Variants in ATP8B4 observed in about 807,000 individuals in gnomAD.
The protein encoded by ATP8B4 is ATPase phospholipid transporting 8B4 (putative), also known as probable phospholipid-transporting ATPase IM.
Under a neutral mutation model 145.6 loss-of-function variants are expected in ATP8B4, and 133 were observed. The ratio of observed to expected loss-of-function variants is 0.91; its 90% confidence interval spans 0.79 to 1.05. The LOEUF is 1.05. Among genes scored for constraint, ATP8B4 ranks in the 50% least tolerant of loss-of-function variants. ATP8B4 has a pLI of 0.00. For synonymous variants in ATP8B4, 507 were observed against 492.9 expected (o/e 1.03, Z -0.38); for missense variants, 1,458 against 1,425.2 (o/e 1.02, Z -0.37).
intron 23 of ATP8B4, chr15:49,895,708 T>C (rs2037326823): frequency 6.6e-6 from 1 of 152,238 alleles, no homozygotes; most frequent in Non-Finnish European, 1.5e-5. Flanking sequence ...TTCTAGTTGC[T>C]TAATATCTGG....
intron 3 of ATP8B4, among the ~76,000 whole-genome samples, chr15:50,066,814 C>T (rs1277137076): frequency 6.6e-6 from 1 of 151,850 alleles, no homozygotes; most frequent in Non-Finnish European, 1.5e-5. Flanking sequence ...TTTTTTCTGC[C>T]CTCCGACTTT....
At chr15:50,013,872 A>G (rs1390002363) in intron 6 of ATP8B4, among the ~76,000 whole-genome samples, 1 of 152,196 alleles carries the variant, frequency 6.6e-6, no homozygotes, top group Non-Finnish European at 1.5e-5. Context: ...GGCATAGCAT[A>G]CTAAGAGCTG....
At position 49,996,702 on chromosome 15, in the gene ATP8B4, A is replaced by G. The variant is rs1302558853; in HGVS notation, c.564T>C (p.Asp188=). 1 of 1,609,702 alleles carries G rather than the reference A, an allele frequency of 6.2e-7. No homozygotes were observed. The highest frequency in any genetic ancestry group is 2.2e-5 in the East Asian group (1 of 44,646). Residue 188 remains aspartate, a synonymous_variant, in exon 9 of 28, where the codon GAT becomes GAC. Coordinates refer to ENST00000284509, the MANE Select transcript of ATP8B4 (RefSeq NM_024837.4). ...ALSVTSELGA[D]ISRLAGFDGI... ...CATCAAACCCTGCAAGTCTGCTGATATCTGCTCCAAGTTCTGAAGTAACTG... is the reference window on the plus strand; with the variant it reads ...CATCAAACCCTGCAAGTCTGCTGATGTCTGCTCCAAGTTCTGAAGTAACTG...
chr15:49,953,305 A>G (rs2043263446), intron 14 of ATP8B4, among the ~76,000 whole-genome samples: 1 of 152,192 alleles, frequency 6.6e-6, no homozygotes. Flanking sequence ...CAGAACAACC[A>G]GGAGGAGAGG....
chr15:49,914,275 T>G (rs1397787892), intron 20 of ATP8B4, among the ~76,000 whole-genome samples: 1 of 152,196 alleles, frequency 6.6e-6, no homozygotes, highest in Non-Finnish European at 1.5e-5. Flanking sequence ...AATATCCATA[T>G]GCAGAAGAAT....
chr15:50,136,425 A>T (rs1595635457), intron 1 of ATP8B4, among the ~76,000 whole-genome samples: 2 of 152,350 alleles, frequency 1.3e-5, no homozygotes, highest in African/African-American at 2.4e-5. Context: ...GAGAAAAATT[A>T]AAAAGCCAGT....
chr15:50,008,018 A>G (rs1036980645), intron 7 of ATP8B4, among the ~76,000 whole-genome samples: 4 of 152,130 alleles, frequency 2.6e-5, no homozygotes, highest in Non-Finnish European at 4.4e-5. Flanking sequence ...TTTTTGATAA[A>G]GCTGTTATTA....
intron 2 of ATP8B4, among the ~76,000 whole-genome samples, chr15:50,084,691 CA>C (rs1210749081): frequency 2.6e-5 from 4 of 152,182 alleles, no homozygotes; most frequent in African/African-American, 9.7e-5. Flanking sequence ...AAGGTGTCAG[CA>C]GGGCTGAGTT....
chr15:49,891,122 C>T (rs2036743735), intron 23 of ATP8B4, among the ~76,000 whole-genome samples: 1 of 151,998 alleles, frequency 6.6e-6, no homozygotes, highest in Admixed American at 6.6e-5. Flanking sequence ...GTCTCATACC[C>T]TTCTGCAAAT....
chr15:50,092,901 A>G (rs918812856), intron 2 of ATP8B4, among the ~76,000 whole-genome samples: 1 of 151,968 alleles, frequency 6.6e-6, no homozygotes, highest in African/African-American at 2.4e-5. Context: ...AAAAGAAACT[A>G]TATCTAGACA....
intron 1 of ATP8B4, among the ~76,000 whole-genome samples, chr15:50,127,235 G>A (rs911146912): frequency 2.6e-5 from 4 of 152,214 alleles, no homozygotes; most frequent in Admixed American, 6.5e-5. Flanking sequence ...AGGGGTTTGG[G>A]TTTTAAGATT....
At chr15:49,984,287 A>T (rs919284680) in intron 10 of ATP8B4, among the ~76,000 whole-genome samples, 1 of 152,220 alleles carries the variant, frequency 6.6e-6, no homozygotes, top group East Asian at 1.9e-4. Flanking sequence ...CTAAAACTAT[A>T]TGAAATAGTC....
Position 49,981,297 on chromosome 15 carries a change from G to A in ATP8B4, c.749-3C>T. On this transcript the variant is annotated splice_polypyrimidine_tract_variant and splice_region_variant and intron_variant, in intron 10 of 27. Coordinates refer to ENST00000284509, the MANE Select transcript of ATP8B4 (RefSeq NM_024837.4). ...CTGCATTAGTTTAGTGTCAGGACCT[G>A]CAAAAACAAAAAAAAGTAAATAACT... 4 of 1,589,576 alleles carry A rather than the reference G, an allele frequency of 2.5e-6. No homozygotes were observed. The highest frequency in any genetic ancestry group is 1.7e-5 in the Admixed American group (1 of 57,380).
chr15:50,022,708 G>A (rs113239241), intron 6 of ATP8B4, among the ~76,000 whole-genome samples: 20 of 152,270 alleles, frequency 1.3e-4, no homozygotes, highest in Non-Finnish European at 2.2e-4. Flanking sequence ...TTCTAGACCC[G>A]TCAGGTCTGG....
At chr15:49,988,237 G>A (rs1016097319) in intron 9 of ATP8B4, among the ~76,000 whole-genome samples, 7 of 152,062 alleles carry the variant, frequency 4.6e-5, no homozygotes, top group African/African-American at 1.2e-4. Flanking sequence ...CCAAATCAAC[G>A]AATCAATTCG....
rs181441215 is a variant in ATP8B4 at position 50,169,839 on chromosome 15, T to C, written c.-43+12422A>G. Among the ~76,000 whole-genome samples the C allele has an allele frequency of 8.5e-5, 13 of 152,194 alleles. No individual in the cohort carries two copies. The East Asian group carries it at 1.9e-3, about 23-fold the overall frequency. ...AATAGATAGCTTAAAGAAAAAACAATCAAATATTCAGGAAAGTTTGGACAT... is the reference window on the plus strand; with the variant it reads ...AATAGATAGCTTAAAGAAAAAACAACCAAATATTCAGGAAAGTTTGGACAT... On this transcript the variant is annotated intron_variant, in intron 1 of 3. Coordinates refer to the ATP8B4 transcript ENST00000558829.
chr15:50,113,954 C>T (rs1342663131), intron 1 of ATP8B4, among the ~76,000 whole-genome samples: 2 of 150,074 alleles, frequency 1.3e-5, no homozygotes, highest in Non-Finnish European at 3.0e-5. Flanking sequence ...GTATAACATA[C>T]AGCAGGTTAA....
chr15:50,114,489 G>A (rs2057103836), intron 1 of ATP8B4: 1 of 151,946 alleles, frequency 6.6e-6, no homozygotes, highest in Non-Finnish European at 1.5e-5. Context: ...GCTCTTGCTG[G>A]TCTCTTTCTC....
chr15:50,079,301 G>A (rs1447692509), intron 2 of ATP8B4, among the ~76,000 whole-genome samples: 1 of 152,138 alleles, frequency 6.6e-6, no homozygotes, highest in Non-Finnish European at 1.5e-5. Flanking sequence ...GTACAGTAGG[G>A]TGGAAGAAGA....
Sources: allele counts gnomAD v4.1 joint callset (sites outside exome capture counted in the v4.1 genomes callset), GRCh38; gene constraint gnomAD v4.1.1; transcripts MANE v1.5; gene names NCBI Gene and HGNC (gene_info 2026-07-23, HGNC 2026-07-21).